The following HSPA12A variants were observed in gnomAD, a reference collection of about 807,000 sequenced individuals.
HSPA12A encodes heat shock 70 kDa protein 12A.
Under a neutral mutation model 69.2 loss-of-function variants are expected in HSPA12A, and 28 were observed. The ratio of observed to expected loss-of-function variants is 0.40; its 90% CI spans 0.30 to 0.55. The LOEUF is 0.55. Among genes scored for constraint, HSPA12A ranks in the 20% least tolerant of loss-of-function variants. HSPA12A has a pLI of 0.38. For synonymous variants in HSPA12A, 345 were observed against 370.5 expected (o/e 0.93, Z 0.79); for missense variants, 686 against 900.7 (o/e 0.76, Z 3.05).
At chr10:116,687,943 GC>G (rs1382009377) in intron 6 of HSPA12A, among the ~76,000 whole-genome samples, 4 of 152,206 alleles carry the variant, frequency 2.6e-5, no homozygotes, top group African/African-American at 9.6e-5. Context: ...TTTGGATGCA[GC>G]CCAACACAAA....
At chr10:116,799,720 G>A (rs1018522443) in intron 2 of HSPA12A, among the ~76,000 whole-genome samples, 1 of 152,232 alleles carries the variant, frequency 6.6e-6, no homozygotes, top group Non-Finnish European at 1.5e-5. Context: ...CCACTTGCTG[G>A]TCTATCTCTC....
chr10:116,723,610 C>T lies in HSPA12A; in HGVS notation c.41-16325G>A, dbSNP rs565632187. On this transcript the variant is annotated intron_variant, in intron 1 of 11. Transcript: ENST00000369209. This position sits in a 1 kb window ranked among gnomAD's most constrained non-coding sequence, Gnocchi z 4.1. Reference sequence around the variant, plus strand: ...GTGACCCATAAGGAAACTCCAGCACCGAGCTGGGTGAGGTTAGGTGCTCAG... The same window carrying T: ...GTGACCCATAAGGAAACTCCAGCACTGAGCTGGGTGAGGTTAGGTGCTCAG... Among the ~76,000 whole-genome samples the T allele has an allele frequency of 9.5e-4, 145 of 152,306 alleles. 2 individuals are homozygous for T. The South Asian group carries it at 0.027, about 28-fold the overall frequency.
intron 1 of HSPA12A, among the ~76,000 whole-genome samples, chr10:116,730,946 G>T (rs1851132679): frequency 6.6e-6 from 1 of 152,232 alleles, no homozygotes; most frequent in East Asian, 1.9e-4. Flanking sequence ...AACGTTTCCT[G>T]GGGGAGAAGC....
At chr10:116,750,289 C>T in intron 2 of HSPA12A, 1 of 809,014 alleles carries the variant, frequency 1.2e-6, no homozygotes, top group Non-Finnish European at 2.1e-6. Flanking sequence ...GTGATGAATA[C>T]AATGTAGAAA....
At chr10:116,829,106 C>T (rs113040070) in intron 2 of HSPA12A, 4 of 152,108 alleles carry the variant, frequency 2.6e-5, no homozygotes, top group African/African-American at 7.3e-5. Context: ...ATAACCCCCA[C>T]GTGTCAAGGG....
intron 2 of HSPA12A, among the ~76,000 whole-genome samples, chr10:116,819,321 G>A (rs1259499058): frequency 6.6e-6 from 1 of 152,208 alleles, no homozygotes; most frequent in Non-Finnish European, 1.5e-5. Flanking sequence ...GGGCAGAACA[G>A]ACAATTCCCC....
chr10:116,850,054 C>A, upstream of HSPA12A: 1 of 508,286 alleles, frequency 2.0e-6, no homozygotes, highest in South Asian at 2.0e-5. Context: ...GGCCGGCCCA[C>A]CGCCCATGCT....
At chr10:116,709,041 A>G (rs1281581965) in intron 1 of HSPA12A, among the ~76,000 whole-genome samples, 2 of 147,662 alleles carry the variant, frequency 1.4e-5, no homozygotes, top group African/African-American at 5.1e-5. Flanking sequence ...ACTCCTAGGT[A>G]TCTACCCAAA....
At chr10:116,776,922 C>A (rs1461617621) in intron 2 of HSPA12A, among the ~76,000 whole-genome samples, 1 of 152,144 alleles carries the variant, frequency 6.6e-6, no homozygotes, top group African/African-American at 2.4e-5. Flanking sequence ...GGACTAGGTT[C>A]GAGAATGGGA....
In HSPA12A at chr10:116,710,123, C is replaced by T. The variant is rs1352365142; in HGVS notation, c.41-2838G>A. ...AACTCTGCCTCCCCACTAGGGGTTC[C>T]AGCCAGATGGTCCTTCCACCTGTTG... On this transcript the variant is annotated intron_variant, in intron 1 of 11. Coordinates refer to ENST00000369209, the MANE Select transcript of HSPA12A (RefSeq NM_025015.3). The surrounding 1 kb of genome is among the most constrained non-coding windows in gnomAD (Gnocchi z 4.1). Among the ~76,000 whole-genome samples, 1 of 152,188 alleles carries T rather than the reference C, an allele frequency of 6.6e-6. No homozygotes were observed. Among genetic ancestry groups the T allele is most frequent in the African/African-American group, 2.4e-5 (1 of 41,452 alleles).
In HSPA12A at chr10:116,700,937, G is replaced by A. The variant is rs377500376; in HGVS notation, c.441+6C>T. 19 of 1,612,446 alleles carry A rather than the reference G, an allele frequency of 1.2e-5. No homozygotes were observed. Among genetic ancestry groups the A allele is most frequent in the Non-Finnish European group, 1.6e-5 (19 of 1,179,420 alleles). On this transcript the variant is annotated splice_donor_region_variant and intron_variant, in intron 4 of 11. Coordinates refer to ENST00000369209, the MANE Select transcript of HSPA12A (RefSeq NM_025015.3). ...GGACCTGGGCCCAGGGGAGAGGCTT[G>A]CTCACCCCAGTGGTGTGCAGCTTCA...
intron 1 of HSPA12A, among the ~76,000 whole-genome samples, chr10:116,844,264 C>T (rs888413300): frequency 6.6e-6 from 1 of 152,174 alleles, no homozygotes; most frequent in African/African-American, 2.4e-5. Context: ...AGTAAACCTC[C>T]AGGCATACAA....
At position 116,681,165 on chromosome 10, in the gene HSPA12A, C is replaced by T; in HGVS notation, c.1014G>A (p.Leu338=). ...IRLPEGHLKE[L]YKATGGPYGS... is the part of the protein sequence containing the mutation. ...GCAGGGCCTCACCTGTTGCTTTATACAGTTCCTTAAGGTGTCCCTCCGGTA... is the reference window on the plus strand; with the variant it reads ...GCAGGGCCTCACCTGTTGCTTTATATAGTTCCTTAAGGTGTCCCTCCGGTA... The change falls in exon 9 of 12, where the codon CTG becomes CTA. Residue 338 remains leucine (L), a synonymous_variant. Transcript: ENST00000369209. 1 of 1,613,484 alleles carries T rather than the reference C, an allele frequency of 6.2e-7. No homozygotes were observed. Among genetic ancestry groups the T allele is most frequent in the African/African-American group, 1.3e-5 (1 of 75,032 alleles).
At chr10:116,677,626 G>C (rs1554877910) in intron 10 of HSPA12A, among the ~76,000 whole-genome samples, 1 of 152,198 alleles carries the variant, frequency 6.6e-6, no homozygotes, top group Non-Finnish European at 1.5e-5. Flanking sequence ...AGGGCAAGAA[G>C]ACCTGACATG....
intron 1 of HSPA12A, among the ~76,000 whole-genome samples, chr10:116,735,855 G>A (rs113695656): frequency 3.3e-5 from 5 of 151,094 alleles, no homozygotes; most frequent in African/African-American, 1.2e-4. Context: ...AAAAAAGCCA[G>A]GCATGGAGAT....
At chr10:116,735,243 G>T (rs1851278848) in intron 1 of HSPA12A, among the ~76,000 whole-genome samples, 1 of 152,220 alleles carries the variant, frequency 6.6e-6, no homozygotes, top group African/African-American at 2.4e-5. Flanking sequence ...GTTTTCTAAA[G>T]TTTGTAGTTT....
At chr10:116,696,714 G>T (rs1554880919) in intron 5 of HSPA12A, among the ~76,000 whole-genome samples, 1 of 152,072 alleles carries the variant, frequency 6.6e-6, no homozygotes, top group Non-Finnish European at 1.5e-5. Flanking sequence ...TCCTTGGCTT[G>T]GCATCCGCAG....
At chr10:116,690,835 C>T (rs1849714550) in intron 6 of HSPA12A, among the ~76,000 whole-genome samples, 1 of 152,082 alleles carries the variant, frequency 6.6e-6, no homozygotes, top group South Asian at 2.1e-4. Context: ...AAGAATTGAC[C>T]TTTTCGTGGG....
intron 2 of HSPA12A, among the ~76,000 whole-genome samples, chr10:116,786,011 G>T (rs1174927424): frequency 6.6e-6 from 1 of 152,182 alleles, no homozygotes; most frequent in African/African-American, 2.4e-5. Flanking sequence ...CCCGTCATGA[G>T]GCCTTTGCTG....
Sources: allele counts gnomAD v4.1 joint callset (sites outside exome capture counted in the v4.1 genomes callset), GRCh38; gene constraint gnomAD v4.1.1; non-coding constraint Gnocchi (gnomAD v3.1); transcripts MANE v1.5; gene names NCBI Gene and HGNC (gene_info 2026-07-23, HGNC 2026-07-21).